RABGEF1: variants seen among roughly 807,000 people sequenced by gnomAD.
RABGEF1 encodes RAB guanine nucleotide exchange factor 1.
RABGEF1 carries 26 observed loss-of-function variants against 57.3 expected under a neutral mutation model. The observed-to-expected ratio is 0.45, with a 90% CI of 0.33 to 0.63. The LOEUF (loss-of-function observed/expected upper bound fraction) is 0.63, where lower values mean the gene tolerates loss of function less well. RABGEF1 is among the 20% of genes least tolerant of loss of function. The probability of loss-of-function intolerance (pLI) is 0.02; values close to 1 mark genes in which losing one functional copy is unlikely to be tolerated. For synonymous variants in RABGEF1, 185 were observed against 210.7 expected, an observed-to-expected ratio of 0.88 and a Z score of 1.06; for missense variants, 464 against 607.6, an observed-to-expected ratio of 0.76 and a Z score of 2.48.
intron 1 of RABGEF1, among the ~76,000 whole-genome samples, chr7:66,708,962 C>T (rs1350091088): frequency 5.9e-5 from 9 of 151,280 alleles, no homozygotes; most frequent in Non-Finnish European, 1.2e-4. Context: ...TTTTTTCTTT[C>T]CTGTTATGCC....
intron 2 of RABGEF1, among the ~76,000 whole-genome samples, chr7:66,725,699 G>A (rs1796510390): frequency 6.6e-6 from 1 of 152,186 alleles, no homozygotes; most frequent in Middle Eastern, 3.2e-3. Context: ...CACACTGTGG[G>A]TGGAACTCCT....
chr7:66,773,660 C>A (rs1337031002), intron 2 of RABGEF1: 2 of 453,684 alleles, frequency 4.4e-6, no homozygotes, highest in Admixed American at 2.4e-5. Flanking sequence ...AGTGCTTGTG[C>A]TTTTTGTTTG....
the RABGEF1 span, among the ~76,000 whole-genome samples, chr7:66,659,456 AAAAAAAAAGAAAAAAG>A: frequency 1.3e-5 from 2 of 151,450 alleles, no homozygotes; most frequent in Non-Finnish European, 2.9e-5. Flanking sequence ...CATCTCAAAA[AAAAAAAAAGAAAAAAG>A]AAAAAAAAGA....
chr7:66,725,538 A>G (rs955071747), intron 2 of RABGEF1, among the ~76,000 whole-genome samples: 1 of 152,232 alleles, frequency 6.6e-6, no homozygotes, highest in African/African-American at 2.4e-5. Flanking sequence ...TTTATTGCCA[A>G]TAACATTACA....
intron 4 of RABGEF1, among the ~76,000 whole-genome samples, chr7:66,791,660 C>G (rs1018504517): frequency 2.6e-5 from 4 of 152,028 alleles, no homozygotes; most frequent in African/African-American, 9.7e-5. Context: ...CAAAGGTTTT[C>G]AAAACTGGAA....
intron 2 of RABGEF1, among the ~76,000 whole-genome samples, chr7:66,733,477 T>C (rs1312893962): frequency 1.3e-5 from 2 of 152,028 alleles, no homozygotes; most frequent in Non-Finnish European, 2.9e-5. Flanking sequence ...AGTGGGCAGA[T>C]CAGGAGATCA....
chr7:66,743,668 A>T (rs1799528082), intron 1 of RABGEF1, among the ~76,000 whole-genome samples: 3 of 151,878 alleles, frequency 2.0e-5, no homozygotes, highest in Admixed American at 2.0e-4. Context: ...TGCCTGGCTA[A>T]TTTTTTCTAT....
In RABGEF1 at chr7:66,718,692, A is replaced by G. The variant is rs373306481; in HGVS notation, c.-815+6468A>G. Among the ~76,000 whole-genome samples the G allele has an allele frequency of 1.1e-4, 17 of 152,318 alleles. No individual in the cohort carries two copies. In the South Asian group the frequency reaches 3.5e-3, roughly 32 times the overall value. ...CGCAGTATTCAGATATGTCCTGAGT[A>G]TGTACCACGCAGTGGCCAGCCTGGA... On this transcript the variant is annotated intron_variant and NMD_transcript_variant, in intron 2 of 9. Coordinates refer to the RABGEF1 transcript ENST00000607882.
chr7:66,668,360 G>A, the RABGEF1 span, among the ~76,000 whole-genome samples: 1 of 152,276 alleles, frequency 6.6e-6, no homozygotes, highest in African/African-American at 2.4e-5. Context: ...GCCTCCGAAA[G>A]CGTTGGGATT....
intron 3 of RABGEF1, among the ~76,000 whole-genome samples, chr7:66,782,491 A>G (rs1253711416): frequency 6.6e-6 from 1 of 150,608 alleles, no homozygotes; most frequent in African/African-American, 2.4e-5. Context: ...GGAAGAGACA[A>G]GGTCTCATTC....
chr7:66,683,994 A>C (rs981261595), intron 1 of RABGEF1, among the ~76,000 whole-genome samples: 2 of 152,156 alleles, frequency 1.3e-5, no homozygotes, highest in South Asian at 4.1e-4. Context: ...TCCCGCCTCA[A>C]GTGTCCCAAT....
chr7:66,657,785 C>T, the RABGEF1 span, among the ~76,000 whole-genome samples: 3 of 152,054 alleles, frequency 2.0e-5, no homozygotes, highest in African/African-American at 7.2e-5. Flanking sequence ...AGCACCACTG[C>T]ATTCCAGCCT....
chr7:66,743,802 A>G (rs1040786239), intron 1 of RABGEF1, among the ~76,000 whole-genome samples: 9 of 151,850 alleles, frequency 5.9e-5, no homozygotes, highest in Non-Finnish European at 1.3e-4. Flanking sequence ...CACTTGGGCT[A>G]AATTTTTTTG....
intron 1 of RABGEF1, among the ~76,000 whole-genome samples, chr7:66,706,468 G>A (rs1036140455): frequency 6.6e-6 from 1 of 151,680 alleles, no homozygotes; most frequent in African/African-American, 2.4e-5. Context: ...GGAGTGCAGT[G>A]GTGTGATCTC....
chr7:66,769,544 G>T (rs557238759), intron 1 of RABGEF1, among the ~76,000 whole-genome samples: 1 of 152,302 alleles, frequency 6.6e-6, no homozygotes, highest in Admixed American at 6.5e-5. Flanking sequence ...TAAGAGTGAG[G>T]TTAGAGGGGA....
chr7:66,682,569 C>G (rs1357897749), intron 1 of RABGEF1, among the ~76,000 whole-genome samples: 2 of 152,192 alleles, frequency 1.3e-5, no homozygotes, highest in Admixed American at 1.3e-4. Flanking sequence ...CCGGCGGCTC[C>G]CCTCGGTCCG....
the RABGEF1 span, among the ~76,000 whole-genome samples, chr7:66,656,830 A>AG: frequency 6.6e-6 from 1 of 151,174 alleles, no homozygotes; most frequent in Admixed American, 6.6e-5. Flanking sequence ...CAAAAAAAAA[A>AG]AAAAAAAAAA....
At chr7:66,729,220 G>A (rs1797010164) in intron 2 of RABGEF1, among the ~76,000 whole-genome samples, 1 of 150,468 alleles carries the variant, frequency 6.6e-6, no homozygotes, top group Admixed American at 6.6e-5. Context: ...AAAGTGCTGG[G>A]ATTACAGGTG....
At chr7:66,674,356 A>AT in the RABGEF1 span, among the ~76,000 whole-genome samples, 233 of 149,790 alleles carry the variant, frequency 1.6e-3, no homozygotes, top group Non-Finnish European at 9.5e-4. Flanking sequence ...CACCTGGCTG[A>AT]TTTTTTTTTT....
Sources: allele counts gnomAD v4.1 joint callset (sites outside exome capture counted in the v4.1 genomes callset), GRCh38; gene constraint gnomAD v4.1.1; transcripts MANE v1.5; gene names NCBI Gene and HGNC (gene_info 2026-07-23, HGNC 2026-07-21).